Variants in LSM11 observed in about 807,000 individuals in gnomAD.
LSM11 encodes LSM11, U7 small nuclear RNA associated, also known as U7 snRNA-associated Sm-like protein LSm11.
In LSM11, 14 loss-of-function variants were observed where a neutral mutation model predicts 28.1. The observed-to-expected ratio is 0.50, with a 90% CI of 0.33 to 0.78. The LOEUF is 0.78. Among genes scored for constraint, LSM11 ranks in the 30% least tolerant of loss-of-function variants. The pLI, the probability that LSM11 is intolerant of heterozygous loss-of-function variation, is 0.02. For missense variants in LSM11, 495 were observed against 510.6 expected, an observed-to-expected ratio of 0.97 and a Z score of 0.30; for synonymous variants, 207 against 214.2, an observed-to-expected ratio of 0.97 and a Z score of 0.30.
Position 157,743,786 on chromosome 5 carries a change from C to A in LSM11, c.36C>A (p.Gly12=), listed in dbSNP as rs1447246492. 7.0e-7 allele frequency: 1 copy of A among 1,435,570 alleles called. No individual in the cohort carries two copies. Among genetic ancestry groups the A allele is most frequent in the Non-Finnish European group, 9.1e-7 (1 of 1,097,522 alleles). 88.9% of individuals were successfully genotyped at this position (1,435,570 alleles called of 1,614,324 possible). A position where few individuals can be genotyped will look rare whatever the true frequency, so the allele number is the denominator to read the frequency against. Residue 12 remains glycine (G), a synonymous_variant, in exon 1 of 4, where the codon GGC becomes GGA. Coordinates refer to ENST00000286307, the MANE Select transcript of LSM11 (RefSeq NM_173491.4). ...GGGAGCGGGGGGCGAGGTCGGCTGG[C>A]GCCGGGAGCCCCGCGCGCCCGCCCA... ...EERERGARSA[G]AGSPARPPSP...
intron 1 of LSM11, among the ~76,000 whole-genome samples, chr5:157,748,578 C>A (rs76482636): frequency 0.036 from 5,442 of 152,170 alleles, 314 homozygotes; most frequent in African/African-American, 0.12. Flanking sequence ...GCATATAAGC[C>A]CTGCATCTGG....
At chr5:157,749,589 C>CAG (rs1761197662) in intron 1 of LSM11, among the ~76,000 whole-genome samples, 1 of 129,580 alleles carries the variant, frequency 7.7e-6, no homozygotes, top group African/African-American at 3.1e-5. Flanking sequence ...CGCACGCGCG[C>CAG]ACACACACAC....
rs756506193 is a variant in LSM11 at position 157,751,484 on chromosome 5, C to A, written c.543C>A (p.Gly181=). The A allele has an allele frequency of 1.9e-6, 3 of 1,612,642 alleles. No homozygotes were observed. Among genetic ancestry groups the A allele is most frequent in the Non-Finnish European group, 8.5e-7 (1 of 1,179,622 alleles). The change falls in exon 2 of 4, where the codon GGC becomes GGA. Residue 181 remains glycine, a synonymous_variant. Coordinates refer to ENST00000286307, the MANE Select transcript of LSM11 (RefSeq NM_173491.4). The part of the protein sequence containing the change: ...VHIRTFKGLR[G]VCTGFLVAFD... ...TCCGCACTTTCAAGGGACTTCGGGG[C>A]GTCTGTACAGGCTTCCTTGTTGCAT...
chr5:157,743,855 G>A lies in LSM11; in HGVS notation c.105G>A (p.Leu35=). Reference sequence around the variant, plus strand: ...GCTCTGACAGCTTCGACCCGCTGCTGGCCCTGTACGCGCCCCGCCTGCCTC... The same window carrying A: ...GCTCTGACAGCTTCGACCCGCTGCTAGCCCTGTACGCGCCCCGCCTGCCTC... ...DVSSDSFDPL[L]ALYAPRLPPI... The change falls in exon 1 of 4, where the codon CTG becomes CTA. Residue 35 remains leucine, a synonymous_variant. Coordinates refer to ENST00000286307, the MANE Select transcript of LSM11 (RefSeq NM_173491.4). 1.3e-6 allele frequency: 2 copies of A among 1,558,446 alleles called. No homozygotes were observed. The highest frequency in any genetic ancestry group is 1.2e-5 in the South Asian group (1 of 85,464).
At position 157,743,770 on chromosome 5, in the gene LSM11, G is replaced by T. The variant is rs1220170389; in HGVS notation, c.20G>T (p.Gly7Val). MEERER[G>V]ARSAGAGSPA... ...TCAAACATGGAGGAGCGGGAGCGGG[G>T]GGCGAGGTCGGCTGGCGCCGGGAGC... is the stretch of plus-strand genomic sequence containing the variant. The change falls in exon 1 of 4, where the codon GGG becomes GTG. Residue 7 changes from glycine (G) to valine (V), a missense_variant. Coordinates refer to ENST00000286307, the MANE Select transcript of LSM11 (RefSeq NM_173491.4). 2.8e-6 allele frequency: 4 copies of T among 1,409,040 alleles called. No homozygotes were observed. The South Asian group carries it at 4.4e-5, about 16-fold the overall frequency. The allele number at this position is 1,409,040 out of a possible 1,614,324, so 87.3% of individuals were successfully genotyped here.
chr5:157,759,134 G>A lies in LSM11; in HGVS notation c.*3870G>A, dbSNP rs573660055. The A allele has an allele frequency of 6.6e-6, 1 of 152,192 alleles. No homozygotes were observed. Among genetic ancestry groups the A allele is most frequent in the Non-Finnish European group, 1.5e-5 (1 of 68,052 alleles). The allele number at this position is 152,192 out of a possible 1,614,324, so 9.4% of individuals were successfully genotyped here. ...TGCATGGTGCATGTCAAGTCAGGAA[G>A]CCAAGAAACCGTTGGCATTAAAATC... On this transcript the variant is annotated 3_prime_UTR_variant, in exon 4 of 4. Transcript: ENST00000286307.
chr5:157,744,268 C>A, intron 1 of LSM11, 70 bp downstream of exon 1: 4 of 1,165,312 alleles, frequency 3.4e-6, no homozygotes, highest in Non-Finnish European at 4.3e-6. Flanking sequence ...GGGGCGTCTG[C>A]GGGGCGGCGG....
chr5:157,753,693 T>C (rs1459928401), intron 2 of LSM11, among the ~76,000 whole-genome samples: 1 of 152,158 alleles, frequency 6.6e-6, no homozygotes, highest in Non-Finnish European at 1.5e-5. Flanking sequence ...GCAGAATAGC[T>C]TTGGGTTCGT....
In LSM11 at chr5:157,756,553, T is replaced by G. The variant is rs1348025570; in HGVS notation, c.*1289T>G. The G allele has an allele frequency of 6.6e-6, 1 of 152,586 alleles. No homozygotes were observed. Among genetic ancestry groups the G allele is most frequent in the African/African-American group, 2.4e-5 (1 of 41,456 alleles). The allele number at this position is 152,586 out of a possible 1,614,324, so 9.5% of individuals were successfully genotyped here. A position where few individuals can be genotyped will look rare whatever the true frequency, so the allele number is the denominator to read the frequency against. ...AATGTATGAAAAGAAAACTTTCCCC[T>G]GCTGTATTTGTTGTGTAACATAAAT... On this transcript the variant is annotated 3_prime_UTR_variant, in exon 4 of 4. Coordinates refer to ENST00000286307, the MANE Select transcript of LSM11 (RefSeq NM_173491.4).
At position 157,756,240 on chromosome 5, in the gene LSM11, G is replaced by C. The variant is rs1421195155; in HGVS notation, c.*976G>C. ...TATGGTTTCACCATGAAACAGGGGT[G>C]GTAGATTTATTCCCTTGTGTCAGGC... On this transcript the variant is annotated 3_prime_UTR_variant, in exon 4 of 4. Coordinates refer to ENST00000286307, the MANE Select transcript of LSM11 (RefSeq NM_173491.4). The C allele has an allele frequency of 2.0e-5, 3 of 152,690 alleles. No homozygotes were observed. In the East Asian group the frequency reaches 5.8e-4, roughly 29 times the overall value. The allele number at this position is 152,690 out of a possible 1,614,324, so 9.5% of individuals were successfully genotyped here. A position where few individuals can be genotyped will look rare whatever the true frequency, so the allele number is the denominator to read the frequency against.
intron 1 of LSM11, 122 bp from the exon 2 acceptor site, chr5:157,751,268 A>G (rs868668730): frequency 2.1e-5 from 23 of 1,109,604 alleles, no homozygotes; most frequent in South Asian, 5.6e-5. Flanking sequence ...TCCTGTTCCA[A>G]TAGTGAGATT....
Position 157,755,579 on chromosome 5 carries a change from A to C in LSM11, c.*315A>C. On this transcript the variant is annotated 3_prime_UTR_variant, in exon 4 of 4. Transcript: ENST00000286307. ...GACTTAGGGGTCATGATATGAGTGG[A>C]ATTTACATTTTAGATACTATAGGGG... 1 of 479,122 alleles carries C rather than the reference A, an allele frequency of 2.1e-6. No individual in the cohort carries two copies. Among genetic ancestry groups the C allele is most frequent in the Non-Finnish European group, 3.6e-6 (1 of 274,578 alleles). The allele number at this position is 479,122 out of a possible 1,614,324, so 29.7% of individuals were successfully genotyped here. A position where few individuals can be genotyped will look rare whatever the true frequency, so the allele number is the denominator to read the frequency against.
chr5:157,755,202 C>G lies in LSM11; in HGVS notation c.1021C>G (p.Arg341Gly). 6.2e-7 allele frequency: 1 copy of G among 1,614,198 alleles called. No homozygotes were observed. The highest frequency in any genetic ancestry group is 8.5e-7 in the Non-Finnish European group (1 of 1,180,034). ...PKVDYQQVFT[R>G]HINQIFIRGE... ...AGTGGATTACCAGCAGGTATTCACT[C>G]GACACATAAATCAGATTTTCATTCG... Residue 341 changes from arginine to glycine, a missense_variant, in exon 4 of 4, where the codon CGA becomes GGA. Physicochemically the swap from Arg to Gly is moderately radical, Grantham distance 125 (BLOSUM62 -2). Coordinates refer to ENST00000286307, the MANE Select transcript of LSM11 (RefSeq NM_173491.4).
chr5:157,743,873 C>T lies in LSM11; in HGVS notation c.123C>T (p.Arg41=). ...FDPLLALYAP[R]LPPIPYPNAP... ...CGCTGCTGGCCCTGTACGCGCCCCG[C>T]CTGCCTCCCATTCCCTACCCCAATG... is the stretch of plus-strand genomic sequence containing the variant. The change falls in exon 1 of 4, where the codon CGC becomes CGT. Residue 41 remains arginine (R), a synonymous_variant. Transcript: ENST00000286307. 1 of 1,559,336 alleles carries T rather than the reference C, an allele frequency of 6.4e-7. No homozygotes were observed.
intron 2 of LSM11, among the ~76,000 whole-genome samples, chr5:157,753,365 A>G (rs547855737): frequency 6.6e-6 from 1 of 152,324 alleles, no homozygotes; most frequent in South Asian, 2.1e-4. Flanking sequence ...AGTGGTGATT[A>G]TAACAGTACT....
intron 1 of LSM11, among the ~76,000 whole-genome samples, chr5:157,744,483 T>C (rs1388670988): frequency 2.0e-5 from 3 of 152,054 alleles, no homozygotes; most frequent in African/African-American, 4.8e-5. Context: ...GGGAAAGGTC[T>C]TCAGCGGTAA....
chr5:157,752,077 G>C (rs994695752), intron 2 of LSM11, among the ~76,000 whole-genome samples: 4 of 152,108 alleles, frequency 2.6e-5, no homozygotes, highest in African/African-American at 9.7e-5. Flanking sequence ...GTTTCAGAAA[G>C]GAACTTGCAC....
At position 157,759,452 on chromosome 5, in the gene LSM11, A is replaced by G. The variant is rs1761378428; in HGVS notation, c.*4188A>G. The G allele has an allele frequency of 6.6e-6, 1 of 152,216 alleles. No homozygotes were observed. Among genetic ancestry groups the G allele is most frequent in the Admixed American group, 6.5e-5 (1 of 15,282 alleles). 9.4% of individuals were successfully genotyped at this position (152,216 alleles called of 1,614,324 possible). ...AATCATTTCTATAAATTGCTTCTTT[A>G]AGTTTTCTCTAAATTTTGCCTCTAG... On this transcript the variant is annotated 3_prime_UTR_variant, in exon 4 of 4. Coordinates refer to ENST00000286307, the MANE Select transcript of LSM11 (RefSeq NM_173491.4).
chr5:157,743,745 T>G lies in LSM11; in HGVS notation c.-6T>G. On this transcript the variant is annotated 5_prime_UTR_variant, in exon 1 of 4. Transcript: ENST00000286307. ...CCATCGGCCTCGGCTTGCGGGCCTT[T>G]CAAACATGGAGGAGCGGGAGCGGGG... 1.5e-6 allele frequency: 2 copies of G among 1,365,964 alleles called. No individual in the cohort carries two copies. The highest frequency in any genetic ancestry group is 3.3e-5 in the South Asian group (2 of 60,662). The allele number at this position is 1,365,964 out of a possible 1,614,324, so 84.6% of individuals were successfully genotyped here. A position where few individuals can be genotyped will look rare whatever the true frequency, so the allele number is the denominator to read the frequency against.
Sources: allele counts gnomAD v4.1 joint callset (sites outside exome capture counted in the v4.1 genomes callset), GRCh38; gene constraint gnomAD v4.1.1; transcripts MANE v1.5; gene names NCBI Gene and HGNC (gene_info 2026-07-23, HGNC 2026-07-21).